Variants in KLHL25 observed in about 807,000 individuals in gnomAD.
The protein encoded by KLHL25 is kelch like family member 25.
In KLHL25, 41 loss-of-function variants were observed where a neutral mutation model predicts 30.0. The observed-to-expected ratio is 1.37, with a 90% CI of 1.07 to 1.78. The LOEUF (loss-of-function observed/expected upper bound fraction) is 1.78, where lower values mean the gene tolerates loss of function less well. Among genes scored for constraint, KLHL25 ranks in the 40% most tolerant of loss-of-function variants. The pLI, the probability that KLHL25 is intolerant of heterozygous loss-of-function variation, is 0.00. For missense variants in KLHL25, 971 were observed against 824.5 expected (o/e 1.18, Z -2.18); for synonymous variants, 399 against 355.3 (o/e 1.12, Z -1.38).
At chr15:85,763,147 C>T (rs2430838) in intron 2 of KLHL25, 12,594 of 152,538 alleles carry the variant, frequency 0.083, 875 homozygotes, top group East Asian at 0.37. Context: ...AGCAAGATCA[C>T]CCTTAGTGGG....
chr15:85,774,145 G>T (rs1030349652), intron 1 of KLHL25, among the ~76,000 whole-genome samples: 2 of 152,154 alleles, frequency 1.3e-5, no homozygotes, highest in Non-Finnish European at 2.9e-5. Context: ...AGCAGGCCCC[G>T]GGAAGCCTCC....
chr15:85,768,527 G>T lies in KLHL25; in HGVS notation c.1284C>A (p.Ala428=). The part of the protein sequence containing the change: ...DPGANKWMMV[A]PLRDGVSNAA... ...CATTGCTGACGCCATCCCGCAAGGG[G>T]GCCACCATCATCCACTTGTTGGCCC... Residue 428 remains alanine (A), a synonymous_variant, in exon 2 of 3, where the codon GCC becomes GCA. Coordinates refer to ENST00000337975, the MANE Select transcript of KLHL25 (RefSeq NM_022480.4). 6.2e-7 allele frequency: 1 copy of T among 1,613,608 alleles called. No homozygotes were observed. The highest frequency in any genetic ancestry group is 8.5e-7 in the Non-Finnish European group (1 of 1,179,894).
chr15:85,771,867 T>C (rs913305789), intron 1 of KLHL25, among the ~76,000 whole-genome samples: 3 of 152,232 alleles, frequency 2.0e-5, no homozygotes, highest in African/African-American at 7.2e-5. Flanking sequence ...TTGGCAACTA[T>C]TTCCTGAGCA....
At chr15:85,791,621 G>A (rs2089817546) in intron 1 of KLHL25, among the ~76,000 whole-genome samples, 1 of 152,048 alleles carries the variant, frequency 6.6e-6, no homozygotes, top group African/African-American at 2.4e-5. Context: ...GAGGTAGGGG[G>A]CGGGGGTGAG....
At chr15:85,786,153 C>T (rs1195400121) in intron 1 of KLHL25, among the ~76,000 whole-genome samples, 2 of 152,232 alleles carry the variant, frequency 1.3e-5, no homozygotes, top group African/African-American at 4.8e-5. Flanking sequence ...CAGAAGCCCT[C>T]CCTACCAAAG....
intron 1 of KLHL25, among the ~76,000 whole-genome samples, chr15:85,773,357 G>A (rs1315200236): frequency 3.3e-5 from 5 of 152,256 alleles, no homozygotes; most frequent in Non-Finnish European, 7.3e-5. Context: ...CCAGAGGAGA[G>A]GAAGGCCGAG....
intron 1 of KLHL25, among the ~76,000 whole-genome samples, chr15:85,780,619 C>A (rs572844457): frequency 6.6e-6 from 1 of 152,310 alleles, no homozygotes; most frequent in East Asian, 1.9e-4. Flanking sequence ...AAGCACTGGC[C>A]ACTTACTGGT....
Position 85,768,271 on chromosome 15 carries a change from C to CA in KLHL25, c.1539dup (p.Glu514Ter), listed in dbSNP as rs1383884727. On this transcript the variant is annotated frameshift_variant, in exon 2 of 3. Transcript: ENST00000337975. LOFTEE classifies it high-confidence loss of function. ...CCAATCCGCGTCCACTGGTTGGTCT[C>CA]ACAGTCAAAGCGGTAGGCCGAGGCG... 2 of 1,614,028 alleles carry CA rather than the reference C, an allele frequency of 1.2e-6. No homozygotes were observed. Among genetic ancestry groups the CA allele is most frequent in the African/African-American group, 2.7e-5 (2 of 74,946 alleles).
At chr15:85,777,972 C>T (rs755174559) in intron 1 of KLHL25, among the ~76,000 whole-genome samples, 2 of 152,228 alleles carry the variant, frequency 1.3e-5, no homozygotes, top group Non-Finnish European at 2.9e-5. Context: ...CCAAGCTCAA[C>T]ATGGTTATGA....
intron 1 of KLHL25, among the ~76,000 whole-genome samples, chr15:85,773,213 C>A (rs961713344): frequency 6.6e-6 from 1 of 152,130 alleles, no homozygotes; most frequent in African/African-American, 2.4e-5. Flanking sequence ...CAGATCCCGG[C>A]ACAGAGGTCA....
At chr15:85,770,420 C>T (rs2089663002) in intron 1 of KLHL25, 2 of 501,932 alleles carry the variant, frequency 4.0e-6, no homozygotes. Context: ...TACCCACTTC[C>T]CTGCTCCCAG....
At chr15:85,770,448 C>T (rs748736509) in intron 1 of KLHL25, 17 of 524,358 alleles carry the variant, frequency 3.2e-5, no homozygotes, top group Non-Finnish European at 5.1e-5. Context: ...TGCCCTGGGC[C>T]GGGCTCCAAG....
intron 1 of KLHL25, among the ~76,000 whole-genome samples, chr15:85,784,483 G>A (rs965320963): frequency 2.6e-5 from 4 of 151,868 alleles, no homozygotes; most frequent in East Asian, 1.9e-4. Context: ...GTGAGCTGAC[G>A]TTGCTCTACT....
At chr15:85,791,206 AAG>A (rs1468113500) in intron 1 of KLHL25, among the ~76,000 whole-genome samples, 7 of 150,580 alleles carry the variant, frequency 4.6e-5, no homozygotes, top group Non-Finnish European at 1.5e-5. Flanking sequence ...AAAAAAAAAA[AAG>A]AAAAATGCCA....
chr15:85,783,296 G>A (rs2089757044), intron 1 of KLHL25, among the ~76,000 whole-genome samples: 1 of 151,478 alleles, frequency 6.6e-6, no homozygotes, highest in South Asian at 2.1e-4. Context: ...GTTTTGCCAT[G>A]TTGGCCAGGC....
Position 85,768,766 on chromosome 15 carries a change from C to A in KLHL25, c.1045G>T (p.Gly349Cys), listed in dbSNP as rs2089644353. ...GCKVYVTGGR[G>C]SENGVSKDVW... ...TCCTTGGAGACCCCGTTCTCGGAGCCCCTGCCCCCCGTCACATAGACCTTG... is the reference window on the plus strand; with the variant it reads ...TCCTTGGAGACCCCGTTCTCGGAGCACCTGCCCCCCGTCACATAGACCTTG... Residue 349 changes from glycine (G) to cysteine (C), a missense_variant, in exon 2 of 3, where the codon GGC becomes TGC. Transcript: ENST00000337975. 1 of 1,613,038 alleles carries A rather than the reference C, an allele frequency of 6.2e-7. No individual in the cohort carries two copies. The highest frequency in any genetic ancestry group is 8.5e-7 in the Non-Finnish European group (1 of 1,179,940).
chr15:85,783,360 C>T (rs1011606870), intron 1 of KLHL25, among the ~76,000 whole-genome samples: 2 of 151,854 alleles, frequency 1.3e-5, no homozygotes, highest in Non-Finnish European at 2.9e-5. Context: ...TCCCAAAGTG[C>T]TGGGATTACA....
At chr15:85,770,353 G>C (rs953490660) in intron 1 of KLHL25, 3 of 437,162 alleles carry the variant, frequency 6.9e-6, no homozygotes, top group Non-Finnish European at 9.2e-6. Context: ...CCTGATCTCT[G>C]TTCAAGGTGA....
intron 1 of KLHL25, among the ~76,000 whole-genome samples, chr15:85,787,073 AT>A (rs893597375): frequency 4.6e-5 from 7 of 151,920 alleles, no homozygotes; most frequent in African/African-American, 1.2e-4. Flanking sequence ...CTGAATAAAC[AT>A]TTTTTTTAAT....
Sources: gnomAD v4.1 joint callset for allele counts (sites outside exome capture counted in the v4.1 genomes callset) on GRCh38, gnomAD v4.1.1 for gene constraint, MANE v1.5 for transcripts, NCBI Gene and HGNC (gene_info 2026-07-23, HGNC 2026-07-21) for gene names.